Variants in SMC1B observed in about 807,000 individuals in gnomAD.
SMC1B encodes structural maintenance of chromosomes 1B, also known as structural maintenance of chromosomes protein 1B.
SMC1B carries 60 observed loss-of-function variants against 157.9 expected under a neutral mutation model. The observed-to-expected ratio is 0.38, with a 90% confidence interval of 0.31 to 0.47. SMC1B has a LOEUF of 0.47. Among genes scored for constraint, SMC1B ranks in the 20% least tolerant of loss-of-function variants. SMC1B has a pLI of 0.99. For synonymous variants in SMC1B, 445 were observed against 483.0 expected (o/e 0.92, Z 1.03); for missense variants, 1,165 against 1,426.2 (o/e 0.82, Z 2.95).
Position 45,383,499 on chromosome 22 carries a change from C to T in SMC1B, c.2026G>A (p.Asp676Asn). ...TCTTGGATTTTCTGGCTTCGTCTGT[C>T]TCTTAGATTCTTTAACTCTTTCTCA... ...WDEKELKNLR[D>N]RRSQKIQELK... The change falls in exon 12 of 25, where the codon GAC (aspartate) becomes AAC (asparagine). Residue 676 changes from aspartate (D) to asparagine (N), a missense_variant. By Grantham distance (23) the Asp-to-Asn change is conservative. Transcript: ENST00000357450. 6.2e-7 allele frequency: 1 copy of T among 1,607,560 alleles called. No individual in the cohort carries two copies. Among genetic ancestry groups the T allele is most frequent in the Non-Finnish European group, 8.5e-7 (1 of 1,178,060 alleles).
intron 5 of SMC1B, among the ~76,000 whole-genome samples, chr22:45,401,206 T>A (rs2087188747): frequency 6.6e-6 from 1 of 152,246 alleles, no homozygotes; most frequent in Non-Finnish European, 1.5e-5. Flanking sequence ...AATATGGGAC[T>A]GATACAGGGG....
rs2086839247 is a variant in SMC1B at position 45,372,170 on chromosome 22, A to G, written c.2181T>C (p.Leu727=). 1.2e-6 allele frequency: 2 copies of G among 1,606,728 alleles called. No homozygotes were observed. Among genetic ancestry groups the G allele is most frequent in the Non-Finnish European group, 1.7e-6 (2 of 1,177,728 alleles). Residue 727 remains leucine (L), a synonymous_variant, in exon 13 of 25, where the codon CTT becomes CTC. Coordinates refer to ENST00000357450, the MANE Select transcript of SMC1B (RefSeq NM_148674.5). ...TCTATATTACCTGGTAAAAAGCAAC[A>G]AGGTGCTTCTTCTTAATCATCTCTA... is the stretch of plus-strand genomic sequence containing the variant. ...NELEMIKKKH[L]VAFYQEQSQL... is the part of the protein sequence containing the mutation.
Position 45,396,354 on chromosome 22 carries a change from C to A in SMC1B, c.1246G>T (p.Glu416Ter). ...TGTACAACCCAAGACACCTGAACTT[C>A]TCCATGCCTCCTCTTTTCAAATGCC... ...RLAFEKRRHG[E>*]VQGNLKQIKE... The change falls in exon 7 of 25, where the codon GAA becomes TAA. Residue 416 changes from glutamate to a stop codon, truncating the protein, a stop_gained. Transcript: ENST00000357450. LOFTEE classifies it high-confidence loss of function. The A allele has an allele frequency of 1.2e-6, 2 of 1,612,156 alleles. No homozygotes were observed. Among genetic ancestry groups the A allele is most frequent in the Non-Finnish European group, 1.7e-6 (2 of 1,179,248 alleles).
chr22:45,354,321 G>A (rs1169777423), intron 20 of SMC1B, among the ~76,000 whole-genome samples, 189 bp from the exon 21 acceptor site: 2 of 152,112 alleles, frequency 1.3e-5, no homozygotes, highest in African/African-American at 4.8e-5. Flanking sequence ...CTCTTTTCTA[G>A]TAGGGCTAAT....
chr22:45,367,889 G>C (rs377150669), intron 15 of SMC1B, among the ~76,000 whole-genome samples: 4 of 152,062 alleles, frequency 2.6e-5, no homozygotes, highest in Non-Finnish European at 4.4e-5. Flanking sequence ...TTGAATTCTG[G>C]GATATTGCTG....
At position 45,386,909 on chromosome 22, in the gene SMC1B, T is replaced by G; in HGVS notation, c.1869A>C (p.Glu623Asp). 1 of 1,614,148 alleles carries G rather than the reference T, an allele frequency of 6.2e-7. No individual in the cohort carries two copies. Among genetic ancestry groups the G allele is most frequent in the Non-Finnish European group, 8.5e-7 (1 of 1,180,000 alleles). The change falls in exon 11 of 25, where the codon GAA becomes GAC. Residue 623 changes from glutamate (E) to aspartate (D), a missense_variant. Coordinates refer to ENST00000357450, the MANE Select transcript of SMC1B (RefSeq NM_148674.5). ...CGNGLVCETMEEARHIALSGP... is the reference protein window; with the variant it reads ...CGNGLVCETMDEARHIALSGP... ...CACTGAGTGCAATATGCCTTGCTTC[T>G]TCCATAGTCTCACAAACAAGACCAT...
intron 19 of SMC1B, among the ~76,000 whole-genome samples, chr22:45,356,091 C>CT (rs1438937691): frequency 3.3e-5 from 5 of 152,022 alleles, no homozygotes; most frequent in African/African-American, 4.8e-5. Context: ...AAAAAAAAGT[C>CT]TAACAAAATA....
Position 45,408,742 on chromosome 22 carries a change from C to T in SMC1B, c.266G>A (p.Gly89Asp). The T allele has an allele frequency of 6.3e-7, 1 of 1,597,334 alleles. No homozygotes were observed. Among genetic ancestry groups the T allele is most frequent in the South Asian group, 1.2e-5 (1 of 86,794 alleles). Reference sequence around the variant, plus strand: ...AATCCTTGCAAATGTTTTCTCTTCGCCACTTTCCTCCACATATATAATTTT... The same window carrying T: ...AATCCTTGCAAATGTTTTCTCTTCGTCACTTTCCTCCACATATATAATTTT... Reference protein sequence around the residue: ...SVKIIYVEESGEEKTFARIIR... With the variant: ...SVKIIYVEESDEEKTFARIIR... Residue 89 changes from glycine (G) to aspartate (D), a missense_variant, in exon 2 of 25, where the codon GGC becomes GAC. Physicochemically the swap from Gly to Asp is moderately conservative, Grantham distance 94. Coordinates refer to ENST00000357450, the MANE Select transcript of SMC1B (RefSeq NM_148674.5).
At position 45,376,166 on chromosome 22, in the gene SMC1B, T is replaced by C. The variant is rs372400120; in HGVS notation, c.2059-3874A>G. Among the ~76,000 whole-genome samples the C allele has an allele frequency of 1.6e-4, 24 of 152,296 alleles. 1 individual carries two copies. The South Asian group carries it at 4.8e-3, about 30-fold the overall frequency. On this transcript the variant is annotated intron_variant, in intron 12 of 24. Coordinates refer to ENST00000357450, the MANE Select transcript of SMC1B (RefSeq NM_148674.5). The stretch of plus-strand genomic sequence containing the variant: ...ATATCCACATTGTGTGCAAGCAATC[T>C]CCAGATCTCTTCATCTTCCAAAACT...
chr22:45,353,922 A>AAAAAAC, intron 21 of SMC1B, 56 bp downstream of exon 21: 1 of 1,033,198 alleles, frequency 9.7e-7, no homozygotes, highest in East Asian at 2.9e-5. Context: ...AAAAAAAAAC[A>AAAAAAC]ACCACCACCG....
In SMC1B at chr22:45,399,359, A is replaced by G; in HGVS notation, c.855-6T>C. 3.8e-6 allele frequency: 6 copies of G among 1,584,262 alleles called. No individual in the cohort carries two copies. The highest frequency in any genetic ancestry group is 5.1e-6 in the Non-Finnish European group (6 of 1,171,130). ...TTAAAAGGGTTTCAACCGATCTGAA[A>G]AGGGAAAAATGTTTGCTTTAAAGAA... On this transcript the variant is annotated splice_region_variant and splice_polypyrimidine_tract_variant and intron_variant, in intron 5 of 24. Transcript: ENST00000357450.
intron 10 of SMC1B, among the ~76,000 whole-genome samples, chr22:45,387,465 C>CA (rs1272073183): frequency 1.9e-5 from 2 of 105,300 alleles, no homozygotes; most frequent in South Asian, 2.7e-4. Context: ...CAAAACAAAA[C>CA]AAAAAAAAGT....
chr22:45,387,472 A>AC (rs34741782), intron 10 of SMC1B, among the ~76,000 whole-genome samples: 76,154 of 152,048 alleles, frequency 0.5, 22,630 homozygotes, highest in African/African-American at 0.84. Flanking sequence ...AAACAAAAAA[A>AC]AGTATGTTAT....
intron 15 of SMC1B, among the ~76,000 whole-genome samples, chr22:45,369,671 T>C (rs1174933815): frequency 6.6e-6 from 1 of 151,040 alleles, no homozygotes; most frequent in Non-Finnish European, 1.5e-5. Flanking sequence ...GCCTCCCGAG[T>C]AGCTGGGACT....
chr22:45,359,710 C>G (rs1465102420), intron 18 of SMC1B, 95 bp downstream of exon 18: 13 of 1,384,152 alleles, frequency 9.4e-6, no homozygotes, highest in Admixed American at 4.1e-5. Context: ...TTCACCACCC[C>G]TAAAGGGGCT....
Position 45,353,958 on chromosome 22 carries a change from T to G in SMC1B, c.3273+20A>C, listed in dbSNP as rs976234315. ...GTAACACAGAATTCTCACTAGTATT[T>G]GAGGATGAAAGATACATACTTGGGC... On this transcript the variant is annotated intron_variant, in intron 21 of 24. Coordinates refer to ENST00000357450, the MANE Select transcript of SMC1B (RefSeq NM_148674.5). 7.0e-7 allele frequency: 1 copy of G among 1,429,702 alleles called. No individual in the cohort carries two copies. Among genetic ancestry groups the G allele is most frequent in the Non-Finnish European group, 9.4e-7 (1 of 1,067,100 alleles). 88.6% of individuals were successfully genotyped at this position (1,429,702 alleles called of 1,614,324 possible).
intron 19 of SMC1B, among the ~76,000 whole-genome samples, chr22:45,357,954 G>A (rs1470113458): frequency 6.6e-6 from 1 of 152,172 alleles, no homozygotes; most frequent in African/African-American, 2.4e-5. Flanking sequence ...GGAACCTTCA[G>A]CCCCTCTTCT....
intron 19 of SMC1B, among the ~76,000 whole-genome samples, chr22:45,355,953 C>T (rs1304605768): frequency 1.3e-5 from 2 of 152,124 alleles, no homozygotes; most frequent in East Asian, 3.9e-4. Flanking sequence ...GCCTGTAGTC[C>T]CAGCTACTTG....
At chr22:45,366,433 C>T (rs1445164352) in intron 15 of SMC1B, among the ~76,000 whole-genome samples, 1 of 152,038 alleles carries the variant, frequency 6.6e-6, no homozygotes, top group Non-Finnish European at 1.5e-5. Flanking sequence ...TTGGGAATGT[C>T]AGTATATAAA....
Sources: gnomAD v4.1 joint callset for allele counts (sites outside exome capture counted in the v4.1 genomes callset) on GRCh38, gnomAD v4.1.1 for gene constraint, MANE v1.5 for transcripts, NCBI Gene and HGNC (gene_info 2026-07-23, HGNC 2026-07-21) for gene names.